PACS1: variants seen among roughly 807,000 people sequenced by gnomAD.
PACS1 encodes phosphofurin acidic cluster sorting protein 1, also known as PACS-1.
A neutral mutation model predicts 115.0 loss-of-function variants in PACS1; 24 were observed. The ratio of observed to expected loss-of-function variants is 0.21; its 90% CI spans 0.15 to 0.29. The LOEUF (loss-of-function observed/expected upper bound fraction) is 0.29, where lower values mean the gene tolerates loss of function less well. Ranked by LOEUF, PACS1 falls within the 10% of genes least tolerant of loss-of-function variation. The pLI is 1.00. For synonymous variants in PACS1, 453 were observed against 504.5 expected (o/e 0.90, Z 1.37); for missense variants, 838 against 1,251.2 (o/e 0.67, Z 4.98).
intron 10 of PACS1, among the ~76,000 whole-genome samples, chr11:66,225,375 C>T (rs1258022480): frequency 6.6e-6 from 1 of 152,062 alleles, no homozygotes; most frequent in African/African-American, 2.4e-5. Flanking sequence ...GGGAAAAAGC[C>T]CTTTAGTGTT....
At chr11:66,179,150 TG>T (rs1444924487) in intron 1 of PACS1, among the ~76,000 whole-genome samples, 2 of 152,252 alleles carry the variant, frequency 1.3e-5, no homozygotes, top group African/African-American at 4.8e-5. Context: ...TGTCTCCCTG[TG>T]GTTTGATTTG....
At chr11:66,104,128 CA>C (rs1231766810) in intron 1 of PACS1, among the ~76,000 whole-genome samples, 1 of 151,984 alleles carries the variant, frequency 6.6e-6, no homozygotes, top group Non-Finnish European at 1.5e-5. Flanking sequence ...TTGGAATTTA[CA>C]AAGAGAAGAT....
At chr11:66,152,188 C>T (rs1214201027) in intron 1 of PACS1, among the ~76,000 whole-genome samples, 3 of 152,100 alleles carry the variant, frequency 2.0e-5, no homozygotes, top group Admixed American at 6.6e-5. Context: ...GAGCTGTGAT[C>T]GTGCCACTGC....
intron 1 of PACS1, among the ~76,000 whole-genome samples, chr11:66,187,771 G>A (rs1854417990): frequency 6.6e-6 from 1 of 152,132 alleles, no homozygotes; most frequent in Non-Finnish European, 1.5e-5. Flanking sequence ...TAAACATGGG[G>A]GTCTGCATTG....
chr11:66,216,715 A>C lies in PACS1; in HGVS notation c.918A>C (p.Glu306Asp). ...LHGQDLFYED[E>D]DLRKVKKTRR... ...CTTAGGACTTGTTCTACGAAGACGA[A>C]GATCTCCGGAAAGTGAAGAAGACCC... The change falls in exon 7 of 24, where the codon GAA (glutamate) becomes GAC (aspartate). Residue 306 changes from glutamate to aspartate, a missense_variant. This residue lies in a region of PACS1 where 223 missense variants were observed against 354.0 expected (regional missense o/e 0.63). Transcript: ENST00000320580. The C allele has an allele frequency of 6.2e-7, 1 of 1,613,986 alleles. No homozygotes were observed. The highest frequency in any genetic ancestry group is 8.5e-7 in the Non-Finnish European group (1 of 1,179,922).
At chr11:66,162,917 C>A (rs1202164775) in intron 1 of PACS1, among the ~76,000 whole-genome samples, 1 of 151,974 alleles carries the variant, frequency 6.6e-6, no homozygotes, top group East Asian at 1.9e-4. Context: ...ATAAAATGAC[C>A]CTTTTTATTT....
chr11:66,086,161 G>A (rs1235799051), intron 1 of PACS1, among the ~76,000 whole-genome samples: 7 of 140,288 alleles, frequency 5.0e-5, no homozygotes, highest in African/African-American at 1.3e-4. Context: ...TTTTTGAGAC[G>A]GAGTCTCGCT....
At chr11:66,207,075 T>C (rs1255983379) in intron 2 of PACS1, among the ~76,000 whole-genome samples, 1 of 152,218 alleles carries the variant, frequency 6.6e-6, no homozygotes, top group Non-Finnish European at 1.5e-5. Context: ...ACCAGTGTTA[T>C]TTTGAGGCAA....
chr11:66,227,698 C>CATTCATAAGCCTGCAGA, intron 11 of PACS1, 114 bp downstream of exon 11: 1 of 645,512 alleles, frequency 1.5e-6, no homozygotes, highest in Non-Finnish European at 2.7e-6. Context: ...AATCTGCAGG[C>CATTCATAAGCCTGCAGA]TTATGAATGT....
chr11:66,071,044 C>G (rs1167164316), intron 1 of PACS1, among the ~76,000 whole-genome samples: 4 of 152,128 alleles, frequency 2.6e-5, no homozygotes, highest in Non-Finnish European at 5.9e-5. Flanking sequence ...TGCCTGGGGC[C>G]GGGACCACCC....
At chr11:66,076,068 T>G (rs1857391280) in intron 1 of PACS1, among the ~76,000 whole-genome samples, 1 of 152,194 alleles carries the variant, frequency 6.6e-6, no homozygotes, top group Admixed American at 6.5e-5. Context: ...TGTTTGTACC[T>G]TAGGAGATTT....
Position 66,105,202 on chromosome 11 carries a change from T to C in PACS1, c.356+34360T>C, listed in dbSNP as rs187287168. On this transcript the variant is annotated intron_variant, in intron 1 of 23. Coordinates refer to ENST00000320580, the MANE Select transcript of PACS1 (RefSeq NM_018026.4). Reference sequence around the variant, plus strand: ...ACTTTGGGAGGCCGAGGCGGGCAGATCACCTGAGGTAGGGAGTTTGAGATC... The same window carrying C: ...ACTTTGGGAGGCCGAGGCGGGCAGACCACCTGAGGTAGGGAGTTTGAGATC... Among the ~76,000 whole-genome samples, 4 of 152,218 alleles carry C rather than the reference T, an allele frequency of 2.6e-5. No homozygotes were observed. In the East Asian group the frequency reaches 7.7e-4, roughly 29 times the overall value.
intron 1 of PACS1, among the ~76,000 whole-genome samples, chr11:66,078,851 G>A (rs369772391): frequency 4.0e-4 from 61 of 152,332 alleles, no homozygotes; most frequent in African/African-American, 1.4e-3. Context: ...ACCGCACCCA[G>A]GCTAGGCTGG....
chr11:66,117,031 A>C (rs1407935710), intron 1 of PACS1, among the ~76,000 whole-genome samples: 3 of 152,110 alleles, frequency 2.0e-5, no homozygotes, highest in Non-Finnish European at 4.4e-5. Flanking sequence ...GAAGACAGGA[A>C]GTGTCAGGAG....
At chr11:66,120,054 A>T (rs760107977) in intron 1 of PACS1, among the ~76,000 whole-genome samples, 1 of 151,894 alleles carries the variant, frequency 6.6e-6, no homozygotes, top group African/African-American at 2.4e-5. Context: ...TGTAAGAATG[A>T]CCTCATGAGA....
At position 66,113,504 on chromosome 11, in the gene PACS1, C is replaced by T. The variant is rs190707545; in HGVS notation, c.356+42662C>T. On this transcript the variant is annotated intron_variant, in intron 1 of 23. Coordinates refer to ENST00000320580, the MANE Select transcript of PACS1 (RefSeq NM_018026.4). The stretch of plus-strand genomic sequence containing the variant: ...CTCCACCTCAAAGACTAAGTATCTC[C>T]AAACAGATACTTTTACAACGTAACA... Among the ~76,000 whole-genome samples, 6 of 152,262 alleles carry T rather than the reference C, an allele frequency of 3.9e-5. No individual in the cohort carries two copies. The East Asian group carries it at 1.2e-3, about 29-fold the overall frequency.
At chr11:66,199,432 A>C (rs1854725053) in intron 2 of PACS1, among the ~76,000 whole-genome samples, 1 of 152,132 alleles carries the variant, frequency 6.6e-6, no homozygotes, top group Non-Finnish European at 1.5e-5. Flanking sequence ...CATTCAGTTT[A>C]AAATAATGTT....
intron 1 of PACS1, among the ~76,000 whole-genome samples, chr11:66,151,764 A>ACTCTGAGC (rs1427034538): frequency 2.0e-5 from 3 of 152,062 alleles, no homozygotes; most frequent in Non-Finnish European, 4.4e-5. Flanking sequence ...GTAGAGACTG[A>ACTCTGAGC]CTCTGAGCAT....
chr11:66,102,011 A>T (rs1178363749), intron 1 of PACS1, among the ~76,000 whole-genome samples: 1 of 152,216 alleles, frequency 6.6e-6, no homozygotes, highest in African/African-American at 2.4e-5. Flanking sequence ...TGTGGGCTGA[A>T]GGAATCTTTT....
Sources: allele counts gnomAD v4.1 joint callset (sites outside exome capture counted in the v4.1 genomes callset), GRCh38; gene constraint gnomAD v4.1.1; regional missense constraint gnomAD v4.1.1; transcripts MANE v1.5; gene names NCBI Gene and HGNC (gene_info 2026-07-23, HGNC 2026-07-21).